SPNS3: variants seen among roughly 807,000 people sequenced by gnomAD.
SPNS3 encodes SPNS lysolipid transporter 3, sphingosine-1-phosphate (putative), also known as protein spinster homolog 3.
Under a neutral mutation model 54.4 loss-of-function variants are expected in SPNS3, and 51 were observed. That is an observed-to-expected ratio of 0.94 (90% CI 0.75 to 1.18). SPNS3 has a LOEUF of 1.18. SPNS3 is among the 50% of genes most tolerant of loss of function. SPNS3 has a pLI of 0.00. For missense variants in SPNS3, 669 were observed against 677.4 expected (o/e 0.99, Z 0.14); for synonymous variants, 309 against 294.7 (o/e 1.05, Z -0.50).
At chr17:4,468,845 A>G (rs749653318) in intron 8 of SPNS3, among the ~76,000 whole-genome samples, 3 of 146,286 alleles carry the variant, frequency 2.1e-5, no homozygotes, top group Admixed American at 7.0e-5. Flanking sequence ...CTGGAGGGCA[A>G]TGGCATGGTC....
At chr17:4,449,490 C>T in intron 7 of SPNS3, 103 bp downstream of exon 7, 2 of 1,345,710 alleles carry the variant, frequency 1.5e-6, no homozygotes, top group Non-Finnish European at 2.0e-6. Context: ...TGGGGTGGGG[C>T]ATTTGGTGCT....
At chr17:4,434,229 G>A in intron 1 of SPNS3, 63 bp downstream of exon 1, 1 of 1,464,292 alleles carries the variant, frequency 6.8e-7, no homozygotes, top group East Asian at 2.4e-5. Flanking sequence ...AGGGGCTGCA[G>A]ATCCATGGTG....
intron 1 of SPNS3, among the ~76,000 whole-genome samples, chr17:4,434,376 C>T (rs1417167778): frequency 6.6e-6 from 1 of 152,206 alleles, no homozygotes; most frequent in African/African-American, 2.4e-5. Flanking sequence ...AGAAGGGACA[C>T]AGGCTGGGCA....
Position 4,445,132 on chromosome 17 carries a change from A to G in SPNS3, c.366A>G (p.Ser122=), listed in dbSNP as rs763616298. 1.7e-5 allele frequency: 28 copies of G among 1,614,156 alleles called. No individual in the cohort carries two copies. In the East Asian group the frequency reaches 1.8e-4, roughly 10 times the overall value. ...TGAGCTTCGGTATCTTGCTGTGGTC[A>G]GGAGCTGGCCTCTCTAGCTCCTTCA... ...ATMSFGILLW[S]GAGLSSSFIS... Residue 122 remains serine, a synonymous_variant, in exon 3 of 12, where the codon TCA becomes TCG. Coordinates refer to ENST00000355530, the MANE Select transcript of SPNS3 (RefSeq NM_182538.5).
At chr17:4,435,994 A>G (rs1288588268) in intron 1 of SPNS3, among the ~76,000 whole-genome samples, 1 of 150,228 alleles carries the variant, frequency 6.7e-6, no homozygotes, top group Non-Finnish European at 1.5e-5. Flanking sequence ...TCTTCTTGTC[A>G]TTCATTCATT....
intron 8 of SPNS3, among the ~76,000 whole-genome samples, chr17:4,468,278 TA>T (rs1024654100): frequency 1.3e-5 from 2 of 150,894 alleles, no homozygotes; most frequent in African/African-American, 4.9e-5. Context: ...GAGAAAAAAT[TA>T]AAAAAACAAA....
intron 8 of SPNS3, among the ~76,000 whole-genome samples, chr17:4,476,655 GGCCCC>G (rs1567574131): frequency 1.3e-5 from 2 of 152,136 alleles, no homozygotes. Flanking sequence ...CAGCTGCCCG[GGCCCC>G]GCCTGAGACC....
rs1972326353 is a variant in SPNS3, at chr17:4,486,635, GA to G, written c.1450+53del. ...GCTCAGGGCCGGCACCCTAGGGACA[GA>G]CAGCACTGGCCACCCCCTGAATCCC... On this transcript the variant is annotated intron_variant, in intron 11 of 11. Transcript: ENST00000355530. This position sits in a 1 kb window ranked among gnomAD's most constrained non-coding sequence, Gnocchi z 5.5. 6.5e-7 allele frequency: 1 copy of G among 1,545,706 alleles called. No homozygotes were observed.
intron 8 of SPNS3, among the ~76,000 whole-genome samples, chr17:4,472,731 A>G (rs1033589219): frequency 7.9e-5 from 9 of 113,972 alleles, no homozygotes; most frequent in Non-Finnish European, 1.3e-4. Context: ...CGAGAAGGGT[A>G]TTACTCTCTT....
At chr17:4,434,503 A>AT (rs568979394) in intron 1 of SPNS3, among the ~76,000 whole-genome samples, 3,721 of 149,292 alleles carry the variant, frequency 0.025, 61 homozygotes, top group Non-Finnish European at 0.035. Flanking sequence ...CTATTTATTT[A>AT]TTTTTTTTTT....
chr17:4,434,048 G>A lies in SPNS3; in HGVS notation c.81G>A (p.Gln27=). Residue 27 remains glutamine (Q), a synonymous_variant, in exon 1 of 12, where the codon CAG becomes CAA. Transcript: ENST00000355530. ...LQGQSPGPGR[Q]CPPPITPTSW... is the part of the protein sequence containing the mutation. ...GCCAGTCCCCAGGGCCAGGCAGGCA[G>A]TGTCCCCCTCCCATCACGCCCACCT... 1 of 1,609,598 alleles carries A rather than the reference G, an allele frequency of 6.2e-7. No homozygotes were observed. Among genetic ancestry groups the A allele is most frequent in the South Asian group, 1.1e-5 (1 of 90,518 alleles).
intron 4 of SPNS3, 68 bp downstream of exon 4, chr17:4,446,267 C>A: frequency 6.5e-7 from 1 of 1,532,968 alleles, no homozygotes; most frequent in Non-Finnish European, 8.9e-7. Flanking sequence ...AGAACAGGGG[C>A]TGGACCTGGG....
At chr17:4,454,585 A>G (rs1350892451) in intron 8 of SPNS3, among the ~76,000 whole-genome samples, 10 of 149,330 alleles carry the variant, frequency 6.7e-5, no homozygotes. Context: ...AATCAAAACA[A>G]CTTTAGCCCT....
At chr17:4,451,396 C>T (rs1047584350) in intron 7 of SPNS3, among the ~76,000 whole-genome samples, 10 of 151,560 alleles carry the variant, frequency 6.6e-5, no homozygotes, top group South Asian at 4.2e-4. Flanking sequence ...GGACTACAGG[C>T]GCACACCACC....
intron 8 of SPNS3, among the ~76,000 whole-genome samples, chr17:4,474,998 T>C (rs1026430270): frequency 2.6e-5 from 4 of 152,116 alleles, no homozygotes; most frequent in Admixed American, 2.6e-4. Flanking sequence ...CACGTGCACT[T>C]GTGAGAGGCC....
intron 9 of SPNS3, among the ~76,000 whole-genome samples, chr17:4,485,925 G>A (rs925507198): frequency 6.6e-6 from 1 of 152,220 alleles, no homozygotes; most frequent in African/African-American, 2.4e-5. Context: ...GGACACCCCA[G>A]CCTCATTCAC....
At chr17:4,448,088 G>GC (rs1181515693) in intron 5 of SPNS3, 67 bp from the exon 6 acceptor site, 19 of 1,448,396 alleles carry the variant, frequency 1.3e-5, no homozygotes, top group Non-Finnish European at 1.7e-5. Context: ...GTGGCCAGTT[G>GC]CCCCCGGGGG....
chr17:4,435,067 G>A (rs543786713), intron 1 of SPNS3, among the ~76,000 whole-genome samples: 5 of 152,248 alleles, frequency 3.3e-5, no homozygotes, highest in Admixed American at 3.3e-4. Flanking sequence ...CTCCCAAAGT[G>A]TTGGGATTAT....
At chr17:4,470,631 C>A (rs1430340244) in intron 8 of SPNS3, among the ~76,000 whole-genome samples, 1 of 152,126 alleles carries the variant, frequency 6.6e-6, no homozygotes, top group African/African-American at 2.4e-5. Flanking sequence ...CCAGCCCGGG[C>A]CCTAGGCAGC....
Sources: allele counts gnomAD v4.1 joint callset (sites outside exome capture counted in the v4.1 genomes callset), GRCh38; gene constraint gnomAD v4.1.1; non-coding constraint Gnocchi (gnomAD v3.1); transcripts MANE v1.5; gene names NCBI Gene and HGNC (gene_info 2026-07-23, HGNC 2026-07-21).